FBLN5: variants seen among roughly 807,000 people sequenced by gnomAD.
FBLN5 encodes the protein fibulin-5.
FBLN5 carries 24 observed loss-of-function variants against 61.6 expected under a neutral mutation model. That is an observed-to-expected ratio of 0.39 (90% confidence interval 0.28 to 0.55). The LOEUF (loss-of-function observed/expected upper bound fraction) is 0.55. Ranked by LOEUF, FBLN5 falls within the 20% of genes least tolerant of loss-of-function variation. FBLN5 has a pLI of 0.65. For synonymous variants in FBLN5, 213 were observed against 219.8 expected (o/e 0.97, Z 0.27); for missense variants, 470 against 594.1 (o/e 0.79, Z 2.17).
chr14:91,875,801 G>A (rs1298849591), intron 10 of FBLN5, among the ~76,000 whole-genome samples: 1 of 152,244 alleles, frequency 6.6e-6, no homozygotes, highest in African/African-American at 2.4e-5. Flanking sequence ...AAACTTCACA[G>A]TGGGTAAGAG....
chr14:91,910,848 A>C (rs1267221071), intron 4 of FBLN5, among the ~76,000 whole-genome samples: 1 of 152,162 alleles, frequency 6.6e-6, no homozygotes, highest in Non-Finnish European at 1.5e-5. Context: ...AAGAAGCAGG[A>C]ACAAAGAGGT....
chr14:91,898,013 G>C (rs1052632892), intron 4 of FBLN5, among the ~76,000 whole-genome samples: 2 of 152,130 alleles, frequency 1.3e-5, no homozygotes, highest in Non-Finnish European at 2.9e-5. Context: ...CTGCACCACT[G>C]ACCTCTAGCC....
At chr14:91,889,741 C>T (rs1889900897) in intron 6 of FBLN5, among the ~76,000 whole-genome samples, 1 of 152,208 alleles carries the variant, frequency 6.6e-6, no homozygotes, top group South Asian at 2.1e-4. Flanking sequence ...GCCCATGGGC[C>T]CTGCTGATGC....
intron 7 of FBLN5, among the ~76,000 whole-genome samples, chr14:91,885,770 C>T (rs2248052): frequency 0.7 from 106,479 of 152,126 alleles, 37,961 homozygotes; most frequent in East Asian, 0.84. Flanking sequence ...TAAACGTCTG[C>T]GGATTAACGG....
At chr14:91,872,472 C>A (rs1566796616) in intron 10 of FBLN5, among the ~76,000 whole-genome samples, 1 of 152,126 alleles carries the variant, frequency 6.6e-6, no homozygotes, top group Non-Finnish European at 1.5e-5. Context: ...ACAGTCTCTG[C>A]AAAATAAAGG....
In FBLN5 at chr14:91,943,921, C is replaced by G. The variant is rs1277009481; in HGVS notation, c.18-960G>C. Among the ~76,000 whole-genome samples, 2 of 152,186 alleles carry G rather than the reference C, an allele frequency of 1.3e-5. No homozygotes were observed. The highest frequency in any genetic ancestry group is 4.8e-5 in the African/African-American group (2 of 41,440). On this transcript the variant is annotated intron_variant, in intron 1 of 10. Coordinates refer to ENST00000342058, the MANE Select transcript of FBLN5 (RefSeq NM_006329.4). The surrounding 1 kb of genome is among the most constrained non-coding windows in gnomAD (Gnocchi z 4.0). Reference sequence around the variant, plus strand: ...GAAAACAGGAGGAGGAGTCACGCACCCTGGGCTCAGTTCTGCCATGCACAA... The same window carrying G: ...GAAAACAGGAGGAGGAGTCACGCACGCTGGGCTCAGTTCTGCCATGCACAA...
At chr14:91,930,427 C>A (rs1470960355) in intron 4 of FBLN5, among the ~76,000 whole-genome samples, 1 of 152,180 alleles carries the variant, frequency 6.6e-6, no homozygotes. Context: ...GACATCTGAG[C>A]GAACCCAGCT....
chr14:91,913,833 A>T (rs1007951617), intron 4 of FBLN5, among the ~76,000 whole-genome samples: 1 of 152,264 alleles, frequency 6.6e-6, no homozygotes, highest in Non-Finnish European at 1.5e-5. Flanking sequence ...GATAATTTAA[A>T]TCCCCATAAA....
At position 91,892,519 on chromosome 14, in the gene FBLN5, T is replaced by G. The variant is rs116590495; in HGVS notation, c.503-1182A>C. On this transcript the variant is annotated intron_variant, in intron 5 of 10. Transcript: ENST00000342058. ...ATTGTTCAGCCCTTCTCAGATTCTG[T>G]GCCCTGTCCTGTGATTCTGTTTTGT... is the stretch of plus-strand genomic sequence containing the variant. 4.3e-3 allele frequency among the ~76,000 whole-genome samples: 656 copies of G among 152,358 alleles called. 4 individuals carry two copies. Among genetic ancestry groups the G allele is most frequent in the African/African-American group, 0.015 (616 of 41,592 alleles).
intron 4 of FBLN5, among the ~76,000 whole-genome samples, chr14:91,915,112 A>T (rs1891131144): frequency 6.6e-6 from 1 of 151,968 alleles, no homozygotes; most frequent in Non-Finnish European, 1.5e-5. Flanking sequence ...GTGAGCCAAG[A>T]TCGCACCACT....
intron 4 of FBLN5, among the ~76,000 whole-genome samples, chr14:91,901,291 G>A (rs1193126465): frequency 6.6e-6 from 1 of 152,196 alleles, no homozygotes; most frequent in African/African-American, 2.4e-5. Context: ...TCTTGTGTGA[G>A]AACGGCCATC....
intron 4 of FBLN5, among the ~76,000 whole-genome samples, chr14:91,935,593 CAG>C (rs944983462): frequency 6.6e-5 from 10 of 152,116 alleles, no homozygotes; most frequent in African/African-American, 2.4e-4. Context: ...AGATTGTAGA[CAG>C]GGGAGAAGTT....
rs911003958 is a variant in FBLN5 at position 91,943,870 on chromosome 14, C to T, written c.18-909G>A. 1.3e-5 allele frequency among the ~76,000 whole-genome samples: 2 copies of T among 152,132 alleles called. No individual in the cohort carries two copies. Among genetic ancestry groups the T allele is most frequent in the Non-Finnish European group, 2.9e-5 (2 of 68,032 alleles). On this transcript the variant is annotated intron_variant, in intron 1 of 10. Coordinates refer to ENST00000342058, the MANE Select transcript of FBLN5 (RefSeq NM_006329.4). The surrounding 1 kb of genome is among the most constrained non-coding windows in gnomAD (Gnocchi z 4.0). ...GAGGAAAGGACTCGGGGAACCTGCACAGCCCAGGGAAAATGAAACCCGCGG... is the reference window on the plus strand; with the variant it reads ...GAGGAAAGGACTCGGGGAACCTGCATAGCCCAGGGAAAATGAAACCCGCGG...
At chr14:91,903,981 T>A (rs1890566930) in intron 4 of FBLN5, among the ~76,000 whole-genome samples, 1 of 152,150 alleles carries the variant, frequency 6.6e-6, no homozygotes. Context: ...AAGTTTACAT[T>A]TCCTCCCTAG....
intron 4 of FBLN5, among the ~76,000 whole-genome samples, chr14:91,904,254 A>G (rs1424196764): frequency 1.3e-5 from 2 of 152,102 alleles, no homozygotes; most frequent in Non-Finnish European, 2.9e-5. Flanking sequence ...TGACTCTAAG[A>G]CTCTTCCGAA....
chr14:91,891,766 G>T (rs1027161471), intron 5 of FBLN5, among the ~76,000 whole-genome samples: 1 of 152,170 alleles, frequency 6.6e-6, no homozygotes, highest in African/African-American at 2.4e-5. Context: ...TCAACTCAAA[G>T]ATTCCATATA....
chr14:91,899,917 C>T (rs1170453603), intron 4 of FBLN5, among the ~76,000 whole-genome samples: 4 of 152,180 alleles, frequency 2.6e-5, no homozygotes, highest in Non-Finnish European at 5.9e-5. Context: ...CCAACAATCT[C>T]GGGGACAACA....
At chr14:91,872,178 T>C (rs1888968057) in intron 10 of FBLN5, among the ~76,000 whole-genome samples, 1 of 152,198 alleles carries the variant, frequency 6.6e-6, no homozygotes, top group Non-Finnish European at 1.5e-5. Flanking sequence ...GGTTAAATAA[T>C]TGCTTAGGGT....
chr14:91,891,097 C>A, intron 6 of FBLN5, 124 bp downstream of exon 6: 2 of 741,768 alleles, frequency 2.7e-6, no homozygotes, highest in South Asian at 1.4e-5. Context: ...GATGGGCGGG[C>A]AGTGGCAAGG....
Sources: allele counts gnomAD v4.1 joint callset (sites outside exome capture counted in the v4.1 genomes callset), GRCh38; gene constraint gnomAD v4.1.1; non-coding constraint Gnocchi (gnomAD v3.1); transcripts MANE v1.5; gene names NCBI Gene and HGNC (gene_info 2026-07-23, HGNC 2026-07-21).